EIPR1: variants seen among roughly 807,000 people sequenced by gnomAD.
EIPR1 encodes the protein EARP complex and GARP complex interacting protein 1, also known as EARP and GARP complex-interacting protein 1.
A neutral mutation model predicts 48.1 loss-of-function variants in EIPR1; 25 were observed. That is an observed-to-expected ratio of 0.52 (90% CI 0.38 to 0.73). The LOEUF (loss-of-function observed/expected upper bound fraction) is 0.73. EIPR1 is among the 30% of genes least tolerant of loss of function. The pLI, the probability that EIPR1 is intolerant of heterozygous loss-of-function variation, is 0.00. For missense variants in EIPR1, 415 were observed against 506.2 expected (o/e 0.82, Z 1.73); for synonymous variants, 204 against 201.9 (o/e 1.01, Z -0.09).
chr2:3,279,724 T>C (rs923165023), intron 3 of EIPR1, among the ~76,000 whole-genome samples: 1 of 152,262 alleles, frequency 6.6e-6, no homozygotes, highest in Non-Finnish European at 1.5e-5. Context: ...TGCTCATCTG[T>C]GCAACTGCAG....
At chr2:3,341,613 G>A (rs1016494845) in intron 2 of EIPR1, among the ~76,000 whole-genome samples, 2 of 151,496 alleles carry the variant, frequency 1.3e-5, no homozygotes, top group Non-Finnish European at 2.9e-5. Flanking sequence ...GAGGGTCTGT[G>A]GGTACATGGC....
chr2:3,240,756 AG>A (rs1166967320), intron 4 of EIPR1, among the ~76,000 whole-genome samples: 2 of 150,182 alleles, frequency 1.3e-5, no homozygotes, highest in East Asian at 4.0e-4. Context: ...CAAAGCCAGT[AG>A]ATCCCTCCTA....
At chr2:3,262,627 G>A (rs953356829) in intron 3 of EIPR1, among the ~76,000 whole-genome samples, 3 of 152,268 alleles carry the variant, frequency 2.0e-5, no homozygotes, top group East Asian at 3.8e-4. Context: ...ACCTGCTGGT[G>A]TGGAAGTTGT....
At chr2:3,217,845 C>T (rs13407244) in intron 4 of EIPR1, among the ~76,000 whole-genome samples, 2,293 of 152,290 alleles carry the variant, frequency 0.015, 59 homozygotes, top group African/African-American at 0.053. Context: ...CCCTGATACA[C>T]CCCACAGAGT....
intron 3 of EIPR1, among the ~76,000 whole-genome samples, chr2:3,268,244 C>T (rs1191921332): frequency 1.3e-5 from 2 of 152,232 alleles, no homozygotes; most frequent in African/African-American, 2.4e-5. Flanking sequence ...TCCTGGTTCC[C>T]TCTGAAGGCA....
chr2:3,323,401 C>CAT (rs1669594805), intron 3 of EIPR1, among the ~76,000 whole-genome samples: 1 of 152,218 alleles, frequency 6.6e-6, no homozygotes, highest in Non-Finnish European at 1.5e-5. Flanking sequence ...ACCATGAGGA[C>CAT]ATCCATGCCC....
intron 2 of EIPR1, among the ~76,000 whole-genome samples, chr2:3,341,374 G>T (rs1274914100): frequency 6.6e-6 from 1 of 152,194 alleles, no homozygotes. Flanking sequence ...GTCCTTCATG[G>T]CAGTGACACG....
chr2:3,319,108 A>G, intron 3 of EIPR1: 1 of 367,026 alleles, frequency 2.7e-6, no homozygotes, highest in African/African-American at 2.1e-5. Context: ...CCAGTGCTTG[A>G]GCGTCATTAC....
chr2:3,202,129 G>A (rs1031135933), intron 5 of EIPR1, among the ~76,000 whole-genome samples: 2 of 152,042 alleles, frequency 1.3e-5, no homozygotes, highest in African/African-American at 4.8e-5. Flanking sequence ...AGTAGAGACG[G>A]GGTTTCACCA....
At chr2:3,246,611 A>G (rs7557707) in intron 4 of EIPR1, among the ~76,000 whole-genome samples, 87,017 of 151,628 alleles carry the variant, frequency 0.57, 25,321 homozygotes, top group East Asian at 0.76. Context: ...GAGATCAGCT[A>G]GCCACCATGC....
intron 1 of EIPR1, among the ~76,000 whole-genome samples, chr2:3,362,730 G>A (rs1015984006): frequency 2.9e-5 from 4 of 138,052 alleles, no homozygotes; most frequent in Non-Finnish European, 6.4e-5. Flanking sequence ...ATAATCCAAA[G>A]GCATAGTATC....
intron 3 of EIPR1, among the ~76,000 whole-genome samples, chr2:3,293,258 G>A (rs1668423378): frequency 6.6e-6 from 1 of 152,204 alleles, no homozygotes; most frequent in Non-Finnish European, 1.5e-5. Context: ...GGGTTCCCAG[G>A]ACACCTTTCC....
chr2:3,211,766 C>T (rs535258038), intron 5 of EIPR1, among the ~76,000 whole-genome samples: 48 of 152,352 alleles, frequency 3.2e-4, no homozygotes, highest in African/African-American at 9.6e-4. Context: ...CGAATCCTCA[C>T]GCAAGCTTCC....
intron 3 of EIPR1, among the ~76,000 whole-genome samples, chr2:3,307,643 C>T (rs527933757): frequency 3.3e-5 from 5 of 152,174 alleles, no homozygotes; most frequent in Admixed American, 6.5e-5. Context: ...CCAGCTAAAA[C>T]GCACTTCTCC....
intron 3 of EIPR1, among the ~76,000 whole-genome samples, chr2:3,275,564 C>A (rs902306678): frequency 1.3e-5 from 2 of 151,970 alleles, no homozygotes; most frequent in Non-Finnish European, 2.9e-5. Flanking sequence ...ATACGATATA[C>A]CATTAAAAAT....
chr2:3,253,741 A>C (rs558638325), intron 4 of EIPR1, among the ~76,000 whole-genome samples: 1 of 152,320 alleles, frequency 6.6e-6, no homozygotes, highest in African/African-American at 2.4e-5. Context: ...TCCCACTAGC[A>C]GGAGCTAAAG....
chr2:3,351,738 C>T (rs1670583960), intron 2 of EIPR1, among the ~76,000 whole-genome samples: 1 of 152,184 alleles, frequency 6.6e-6, no homozygotes, highest in African/African-American at 2.4e-5. Context: ...GAAAACAAAA[C>T]ATTAGAAAGA....
chr2:3,262,587 G>C (rs1050039029), intron 3 of EIPR1, among the ~76,000 whole-genome samples: 2 of 152,232 alleles, frequency 1.3e-5, no homozygotes, highest in Non-Finnish European at 2.9e-5. Context: ...GCTGGGGAGA[G>C]GCAGCCCTGC....
At chr2:3,323,139 G>A (rs1669587303) in intron 3 of EIPR1, among the ~76,000 whole-genome samples, 1 of 151,742 alleles carries the variant, frequency 6.6e-6, no homozygotes, top group South Asian at 2.1e-4. Context: ...TCACTGAAGA[G>A]GATAATCTCT....
Sources: allele counts gnomAD v4.1 joint callset (sites outside exome capture counted in the v4.1 genomes callset), GRCh38; gene constraint gnomAD v4.1.1; transcripts MANE v1.5; gene names NCBI Gene and HGNC (gene_info 2026-07-23, HGNC 2026-07-21).